The following HARS1 variants were observed in gnomAD, a reference collection of about 807,000 sequenced individuals.
The protein encoded by HARS1 is histidine--tRNA ligase, cytoplasmic.
HARS1 carries 45 observed loss-of-function variants against 63.6 expected under a neutral mutation model. The observed-to-expected ratio is 0.71, with a 90% CI of 0.56 to 0.91. The LOEUF (loss-of-function observed/expected upper bound fraction) is 0.91, where lower values mean the gene tolerates loss of function less well. Among genes scored for constraint, HARS1 ranks in the 40% least tolerant of loss-of-function variants. The probability of loss-of-function intolerance (pLI) is 0.00; values close to 1 mark genes in which losing one functional copy is unlikely to be tolerated. For missense variants in HARS1, 508 were observed against 643.2 expected, an observed-to-expected ratio of 0.79 and a Z score of 2.27; for synonymous variants, 205 against 247.1, an observed-to-expected ratio of 0.83 and a Z score of 1.60.
rs374609443 is a variant in HARS1 at position 140,677,294 on chromosome 5, C to T, written c.823+33G>A. The T allele has an allele frequency of 2.2e-4, 330 of 1,529,194 alleles. No individual in the cohort carries two copies. In the African/African-American group the frequency reaches 2.6e-3, roughly 12 times the overall value. The allele number at this position is 1,529,194 out of a possible 1,614,324, so 94.7% of individuals were successfully genotyped here. ...AACTTTAGGACTGAGGGCAGTGGGA[C>T]GGCTGCTGGGGAGGCTTGGTTCTGT... On this transcript the variant is annotated intron_variant, in intron 8 of 12. Coordinates refer to ENST00000504156, the MANE Select transcript of HARS1 (RefSeq NM_002109.6).
chr5:140,677,925 C>G lies in HARS1; in HGVS notation c.613G>C (p.Gly205Arg), dbSNP rs1186268581. ...MCEILSSLQI[G>R]DFLVKVNDRR... ...GCTCTGACCTTGACCAGGAAGTCGC[C>G]TATCTGAAGTGAACTCAGGATCTCG... is the stretch of plus-strand genomic sequence containing the variant. Residue 205 changes from glycine (G) to arginine (R), a missense_variant, in exon 6 of 13, where the codon GGC becomes CGC. By Grantham distance (125) the Gly-to-Arg change is moderately radical. Transcript: ENST00000504156. 1 of 1,608,500 alleles carries G rather than the reference C, an allele frequency of 6.2e-7. No individual in the cohort carries two copies. The highest frequency in any genetic ancestry group is 1.7e-5 in the Admixed American group (1 of 59,948).
At chr5:140,675,157 G>A (rs1413969174) in intron 10 of HARS1, 24 bp from the exon 11 acceptor site, 2 of 1,443,944 alleles carry the variant, frequency 1.4e-6, no homozygotes, top group East Asian at 2.3e-5. Context: ...AGATAAAAGA[G>A]AGCTGGGCTA....
At chr5:140,681,494 C>T (rs1425276653) in intron 3 of HARS1, among the ~76,000 whole-genome samples, 2 of 152,132 alleles carry the variant, frequency 1.3e-5, no homozygotes, top group Non-Finnish European at 2.9e-5. Flanking sequence ...ATGGTGAAAC[C>T]TCGTCTCTAC....
rs1358958592 is a variant in HARS1 at position 140,676,052 on chromosome 5, G to T, written c.1194+602C>A. 1 of 152,334 alleles carries T rather than the reference G, an allele frequency of 6.6e-6. No individual in the cohort carries two copies. The highest frequency in any genetic ancestry group is 1.5e-5 in the Non-Finnish European group (1 of 68,162). The allele number at this position is 152,334 out of a possible 1,614,324, so 9.4% of individuals were successfully genotyped here. A position where few individuals can be genotyped will look rare whatever the true frequency, so the allele number is the denominator to read the frequency against. ...TTCCTTGGTGTTACTCTAGGTGCTA[G>T]AGAGTCACGGTAGCCATCTGAGGGA... is the stretch of plus-strand genomic sequence containing the variant. On this transcript the variant is annotated intron_variant, in intron 10 of 12. Coordinates refer to ENST00000504156, the MANE Select transcript of HARS1 (RefSeq NM_002109.6). This position sits in a 1 kb window ranked among gnomAD's most constrained non-coding sequence, Gnocchi z 4.1.
chr5:140,673,934 T>G lies in HARS1; in HGVS notation c.*323A>C. 1 of 556,380 alleles carries G rather than the reference T, an allele frequency of 1.8e-6. No homozygotes were observed. Among genetic ancestry groups the G allele is most frequent in the Non-Finnish European group, 3.2e-6 (1 of 310,954 alleles). The allele number at this position is 556,380 out of a possible 1,614,324, so 34.5% of individuals were successfully genotyped here. A position where few individuals can be genotyped will look rare whatever the true frequency, so the allele number is the denominator to read the frequency against. ...TGGTTGAGGCATTTTATTGGACCTT[T>G]GGCAATTGGTGGTGGGGAGGCATCT... On this transcript the variant is annotated 3_prime_UTR_variant, in exon 13 of 13. Transcript: ENST00000504156.
intron 10 of HARS1, chr5:140,675,738 C>T (rs998019529): frequency 5.9e-5 from 9 of 152,118 alleles, no homozygotes; most frequent in African/African-American, 2.2e-4. Flanking sequence ...CCATTTATGA[C>T]ACTGTGCCTC....
At chr5:140,687,030 T>A (rs1759079947) in intron 2 of HARS1, among the ~76,000 whole-genome samples, 1 of 152,222 alleles carries the variant, frequency 6.6e-6, no homozygotes, top group African/African-American at 2.4e-5. Context: ...TATTTAAGTT[T>A]GAAAAACCAT....
chr5:140,691,223 C>G lies in HARS1; in HGVS notation c.82G>C (p.Ala28Pro). The G allele has an allele frequency of 6.2e-7, 1 of 1,602,744 alleles. No homozygotes were observed. The highest frequency in any genetic ancestry group is 8.5e-7 in the Non-Finnish European group (1 of 1,176,146). ...VRGLKQQKAS[A>P]ELIEEEVAKL... is the part of the protein sequence containing the mutation. ...TGCTGCCTAAATCTCACCAGCTCGG[C>G]GCTGGCCTTCTGCTGCTTGAGGCCT... The change falls in exon 1 of 13, where the codon GCC (alanine) becomes CCC (proline). Residue 28 changes from alanine (A) to proline (P), a missense_variant. This residue lies in a region of HARS1 where 105 missense variants were observed against 94.5 expected (regional missense o/e 1.11). Transcript: ENST00000504156.
Position 140,677,967 on chromosome 5 carries a change from A to G in HARS1, c.571T>C (p.Cys191Arg). 2 of 1,612,032 alleles carry G rather than the reference A, an allele frequency of 1.2e-6. No individual in the cohort carries two copies. Among genetic ancestry groups the G allele is most frequent in the African/African-American group, 1.3e-5 (1 of 74,796 alleles). ...AGGATCTCGCACATGATCTTCAGGC[A>G]CTCTGCATCAGGGATCATGGGATCA... ...NFDPMIPDAE[C>R]LKIMCEILSS... The change falls in exon 6 of 13, where the codon TGC becomes CGC. Residue 191 changes from cysteine (C) to arginine (R), a missense_variant. This residue lies in a region of HARS1 where 403 missense variants were observed against 548.7 expected (regional missense o/e 0.73). Transcript: ENST00000504156.
At chr5:140,678,367 C>T (rs1204737050) in intron 5 of HARS1, 2 of 285,474 alleles carry the variant, frequency 7.0e-6, no homozygotes, top group Non-Finnish European at 1.3e-5. Flanking sequence ...TCCTTATTCT[C>T]TGCTGTGATC....
Position 140,677,643 on chromosome 5 carries a change from T to C in HARS1, c.729+12A>G, listed in dbSNP as rs756500012. On this transcript the variant is annotated intron_variant, in intron 7 of 12. Coordinates refer to ENST00000504156, the MANE Select transcript of HARS1 (RefSeq NM_002109.6). The stretch of plus-strand genomic sequence containing the variant: ...GGATCTGGGAAAAGAAGTCAAGTAC[T>C]TGGGTTGTTACCTTGTCCAGCTTGT... 1.9e-6 allele frequency: 3 copies of C among 1,571,690 alleles called. No homozygotes were observed. The highest frequency in any genetic ancestry group is 4.5e-5 in the East Asian group (2 of 44,666).
chr5:140,676,776 CCACA>C lies in HARS1; in HGVS notation c.1068_1071del (p.Ser356ArgfsTer10). 6.2e-7 allele frequency: 1 copy of C among 1,614,260 alleles called. No individual in the cohort carries two copies. Among genetic ancestry groups the C allele is most frequent in the Middle Eastern group, 1.6e-4 (1 of 6,062 alleles). On this transcript the variant is annotated frameshift_variant, in exon 10 of 13. Transcript: ENST00000504156. LOFTEE classifies it high-confidence loss of function. The surrounding 1 kb of genome is among the most constrained non-coding windows in gnomAD (Gnocchi z 4.1). ...AGCCCATCATAGCGTCCTCCAGCAG[CCACA>C]CTGCCCACACCCAGGGGCTCTTCCC...
chr5:140,684,804 T>C (rs1288717349), intron 2 of HARS1: 3 of 152,256 alleles, frequency 2.0e-5, no homozygotes, highest in Non-Finnish European at 2.9e-5. Context: ...AAATAACATA[T>C]GTTAACACAA....
chr5:140,688,689 TC>T (rs926603501), intron 2 of HARS1, among the ~76,000 whole-genome samples: 28 of 151,682 alleles, frequency 1.8e-4, no homozygotes, highest in Non-Finnish European at 1.6e-4. Flanking sequence ...TTTCCTTCCC[TC>T]CCCAACTTTT....
At chr5:140,681,338 A>C (rs147350096) in intron 3 of HARS1, among the ~76,000 whole-genome samples, 6 of 152,278 alleles carry the variant, frequency 3.9e-5, no homozygotes, top group East Asian at 1.9e-4. Flanking sequence ...TAAGAAGAGA[A>C]AATTTAGATA....
At position 140,676,268 on chromosome 5, in the gene HARS1, G is replaced by A. The variant is rs563441022; in HGVS notation, c.1194+386C>T. 1 of 173,516 alleles carries A rather than the reference G, an allele frequency of 5.8e-6. No individual in the cohort carries two copies. Among genetic ancestry groups the A allele is most frequent in the South Asian group, 1.6e-4 (1 of 6,162 alleles). The allele number at this position is 173,516 out of a possible 1,614,324, so 10.7% of individuals were successfully genotyped here. ...CTGGAAAATGCAATTAATAAAATTAGCTACTCTCACAGGGCTGTAGTAACA... is the reference window on the plus strand; with the variant it reads ...CTGGAAAATGCAATTAATAAAATTAACTACTCTCACAGGGCTGTAGTAACA... On this transcript the variant is annotated intron_variant, in intron 10 of 12. Coordinates refer to ENST00000504156, the MANE Select transcript of HARS1 (RefSeq NM_002109.6). The surrounding 1 kb of genome is among the most constrained non-coding windows in gnomAD (Gnocchi z 4.1).
Position 140,676,927 on chromosome 5 carries a change from A to C in HARS1, c.952-31T>G, listed in dbSNP as rs1411431076. ...GAGATAAGAAAATGGTCAGTGCCAG[A>C]TTAAGATCAGGGACCTGAAGCCCCA... On this transcript the variant is annotated intron_variant, in intron 9 of 12. Coordinates refer to ENST00000504156, the MANE Select transcript of HARS1 (RefSeq NM_002109.6). This position sits in a 1 kb window ranked among gnomAD's most constrained non-coding sequence, Gnocchi z 4.1. 4.3e-6 allele frequency: 7 copies of C among 1,613,490 alleles called. No homozygotes were observed. In the East Asian group the frequency reaches 1.3e-4, roughly 31 times the overall value.
At chr5:140,689,881 C>A (rs1010614757) in intron 2 of HARS1, among the ~76,000 whole-genome samples, 2 of 152,198 alleles carry the variant, frequency 1.3e-5, no homozygotes, top group African/African-American at 4.8e-5. Flanking sequence ...GAATCTCCAA[C>A]CTCATTCCAC....
chr5:140,681,107 T>G (rs1431705295), intron 3 of HARS1, among the ~76,000 whole-genome samples: 1 of 152,030 alleles, frequency 6.6e-6, no homozygotes, highest in African/African-American at 2.4e-5. Context: ...TGGCAAAGAT[T>G]AAAAAGCCTG....
Sources: gnomAD v4.1 joint callset for allele counts (sites outside exome capture counted in the v4.1 genomes callset) on GRCh38, gnomAD v4.1.1 for gene constraint, gnomAD v4.1.1 regional missense constraint, Gnocchi (gnomAD v3.1) non-coding constraint, MANE v1.5 for transcripts, NCBI Gene and HGNC (gene_info 2026-07-23, HGNC 2026-07-21) for gene names.